Variants in CORIN observed in about 807,000 individuals in gnomAD.
The protein encoded by CORIN is atrial natriuretic peptide-converting enzyme.
Under a neutral mutation model 125.3 loss-of-function variants are expected in CORIN, and 117 were observed. That is an observed-to-expected ratio of 0.93 (90% CI 0.80 to 1.09). The LOEUF (loss-of-function observed/expected upper bound fraction) is 1.09. Ranked by LOEUF, CORIN falls within the 50% of genes least tolerant of loss-of-function variation. CORIN has a pLI of 0.00. For missense variants in CORIN, 1,253 were observed against 1,306.7 expected (o/e 0.96, Z 0.63); for synonymous variants, 450 against 466.4 (o/e 0.96, Z 0.45).
intron 4 of CORIN, among the ~76,000 whole-genome samples, chr4:47,761,427 T>C (rs1464432446): frequency 6.6e-6 from 1 of 151,880 alleles, no homozygotes; most frequent in Non-Finnish European, 1.5e-5. Context: ...ATAGTCAATA[T>C]ATGGAATCAA....
At chr4:47,596,952 TG>T (rs1721277681) in intron 21 of CORIN, among the ~76,000 whole-genome samples, 1 of 152,204 alleles carries the variant, frequency 6.6e-6, no homozygotes. Context: ...ACTTATTCAT[TG>T]GCAGAGGCTA....
intron 3 of CORIN, among the ~76,000 whole-genome samples, chr4:47,767,051 G>GA (rs757313816): frequency 6.6e-6 from 1 of 151,936 alleles, no homozygotes; most frequent in East Asian, 1.9e-4. Context: ...TAGTAAAGGG[G>GA]AAAAAGGCAT....
chr4:47,731,966 G>A (rs1236262495), intron 5 of CORIN, among the ~76,000 whole-genome samples: 1 of 152,170 alleles, frequency 6.6e-6, no homozygotes, highest in East Asian at 1.9e-4. Flanking sequence ...GACCCTTGGA[G>A]ATGTGGGGAC....
At chr4:47,615,077 T>G (rs1235887494) in intron 19 of CORIN, among the ~76,000 whole-genome samples, 2 of 152,162 alleles carry the variant, frequency 1.3e-5, no homozygotes, top group African/African-American at 4.8e-5. Flanking sequence ...TCTATGAAAG[T>G]ATTCCAAACT....
intron 1 of CORIN, 23 bp downstream of exon 1, chr4:47,837,864 G>C (rs1395008992): frequency 1.9e-6 from 3 of 1,605,332 alleles, no homozygotes; most frequent in South Asian, 1.1e-5. Flanking sequence ...GGCTGCGGTA[G>C]GACAGCGAAT....
At position 47,656,152 on chromosome 4, in the gene CORIN, A is replaced by AT. The variant is rs199763449; in HGVS notation, c.1736-2493dup. ...AGGTCATTCATCATGACCATTTAGGATTTTTTTTTTTTTTTTTTTTGAGAT... is the reference window on the plus strand; with the variant it reads ...AGGTCATTCATCATGACCATTTAGGATTTTTTTTTTTTTTTTTTTTTGAGAT... On this transcript the variant is annotated intron_variant, in intron 12 of 21. Coordinates refer to ENST00000273857, the MANE Select transcript of CORIN (RefSeq NM_006587.4). Among the ~76,000 whole-genome samples the AT allele has an allele frequency of 7.2e-3, 968 of 133,702 alleles. 7 individuals are homozygous for AT. The highest frequency in any genetic ancestry group is 0.015 in the Middle Eastern group (4 of 268). 87.7% of individuals were successfully genotyped at this position (133,702 alleles called of 152,430 possible).
chr4:47,634,421 G>A (rs890187389), intron 16 of CORIN, among the ~76,000 whole-genome samples: 1 of 152,164 alleles, frequency 6.6e-6, no homozygotes, highest in Non-Finnish European at 1.5e-5. Context: ...ATCACGTGAG[G>A]TCGGGAGTTC....
At chr4:47,760,685 C>T (rs1729405933) in intron 4 of CORIN, among the ~76,000 whole-genome samples, 1 of 152,180 alleles carries the variant, frequency 6.6e-6, no homozygotes. Context: ...TCAGTCTGTC[C>T]TTTGAAGTTT....
chr4:47,825,506 TC>T (rs1336455603), intron 1 of CORIN, among the ~76,000 whole-genome samples: 1 of 152,160 alleles, frequency 6.6e-6, no homozygotes, highest in Non-Finnish European at 1.5e-5. Flanking sequence ...ACACTAAAGT[TC>T]TAGGATCACT....
chr4:47,767,062 A>G (rs928286539), intron 3 of CORIN, among the ~76,000 whole-genome samples: 2 of 152,162 alleles, frequency 1.3e-5, no homozygotes, highest in African/African-American at 4.8e-5. Context: ...AAAAAGGCAT[A>G]AACTCATAAC....
At position 47,690,853 on chromosome 4, in the gene CORIN, A is replaced by T. The variant is rs559138172; in HGVS notation, c.913+2117T>A. On this transcript the variant is annotated intron_variant, in intron 6 of 21. Coordinates refer to ENST00000273857, the MANE Select transcript of CORIN (RefSeq NM_006587.4). ...CATGCTGAAACACCACAAGCATTCA[A>T]CCTTAAAGCTCAAAAGCAGATGTCC... Among the ~76,000 whole-genome samples the T allele has an allele frequency of 7.2e-5, 11 of 152,326 alleles. No individual in the cohort carries two copies. The South Asian group carries it at 2.3e-3, about 32-fold the overall frequency.
chr4:47,833,336 G>A (rs1488334171), intron 1 of CORIN, among the ~76,000 whole-genome samples: 1 of 152,062 alleles, frequency 6.6e-6, no homozygotes, highest in Non-Finnish European at 1.5e-5. Flanking sequence ...GGGAAAACTG[G>A]CTACACATAT....
intron 2 of CORIN, among the ~76,000 whole-genome samples, chr4:47,787,711 C>G (rs915773743): frequency 2.6e-5 from 4 of 152,138 alleles, no homozygotes; most frequent in South Asian, 2.1e-4. Context: ...TTTGGTGCAC[C>G]CATGCACCAT....
intron 1 of CORIN, among the ~76,000 whole-genome samples, chr4:47,826,537 T>C (rs1178579217): frequency 6.6e-6 from 1 of 152,192 alleles, no homozygotes; most frequent in Admixed American, 6.5e-5. Flanking sequence ...TTGTGGCCCC[T>C]TCCTGTATCT....
At chr4:47,700,517 T>C (rs942033664) in intron 5 of CORIN, among the ~76,000 whole-genome samples, 3 of 152,176 alleles carry the variant, frequency 2.0e-5, no homozygotes, top group Admixed American at 6.5e-5. Flanking sequence ...CTCCTTAGGA[T>C]GGTACAAGGA....
intron 19 of CORIN, among the ~76,000 whole-genome samples, chr4:47,623,326 A>T (rs1172086240): frequency 6.6e-6 from 1 of 152,040 alleles, no homozygotes; most frequent in Non-Finnish European, 1.5e-5. Context: ...AGTCTTCTAA[A>T]CTTCTTTCTC....
chr4:47,772,639 A>G (rs1287349655), intron 3 of CORIN, among the ~76,000 whole-genome samples: 1 of 152,226 alleles, frequency 6.6e-6, no homozygotes, highest in East Asian at 1.9e-4. Context: ...GGCCTTTGGC[A>G]AGTTATTGAA....
chr4:47,705,543 A>G (rs566802561), intron 5 of CORIN, among the ~76,000 whole-genome samples: 35 of 152,364 alleles, frequency 2.3e-4, no homozygotes, highest in Non-Finnish European at 4.6e-4. Context: ...ACAGGCCACA[A>G]GATAGAGAAA....
intron 4 of CORIN, among the ~76,000 whole-genome samples, chr4:47,761,447 C>G (rs932490926): frequency 4.6e-5 from 7 of 150,968 alleles, no homozygotes; most frequent in African/African-American, 1.7e-4. Flanking sequence ...ACCTAAGTAT[C>G]CACTAACCAA....
Sources: allele counts gnomAD v4.1 joint callset (sites outside exome capture counted in the v4.1 genomes callset), GRCh38; gene constraint gnomAD v4.1.1; transcripts MANE v1.5; gene names NCBI Gene and HGNC (gene_info 2026-07-23, HGNC 2026-07-21).